The following ATE1 variants were observed in gnomAD, a reference collection of about 807,000 sequenced individuals.
ATE1 encodes the protein arginyl-tRNA--protein transferase 1.
ATE1 carries 36 observed loss-of-function variants against 70.5 expected under a neutral mutation model. That is an observed-to-expected ratio of 0.51 (90% CI 0.39 to 0.67). The LOEUF (loss-of-function observed/expected upper bound fraction) is 0.67. Among genes scored for constraint, ATE1 ranks in the 30% least tolerant of loss-of-function variants. The pLI is 0.00. For missense variants in ATE1, 593 were observed against 629.5 expected (o/e 0.94, Z 0.62); for synonymous variants, 232 against 219.3 (o/e 1.06, Z -0.51).
intron 8 of ATE1, among the ~76,000 whole-genome samples, chr10:121,851,441 T>A (rs1449807300): frequency 1.3e-5 from 2 of 152,118 alleles, no homozygotes; most frequent in Non-Finnish European, 2.9e-5. Flanking sequence ...ACATAAAAAA[T>A]AAAAGTTTCA....
intron 6 of ATE1, among the ~76,000 whole-genome samples, chr10:121,901,136 G>T (rs1226447683): frequency 6.6e-6 from 1 of 151,932 alleles, no homozygotes; most frequent in Non-Finnish European, 1.5e-5. Context: ...GCGTAGTGGT[G>T]GGCACTTGTA....
intron 8 of ATE1, among the ~76,000 whole-genome samples, chr10:121,847,819 C>A (rs551380104): frequency 2.7e-5 from 4 of 150,300 alleles, no homozygotes; most frequent in Non-Finnish European, 5.9e-5. Flanking sequence ...CACCTGTAAT[C>A]CCAGCACTTT....
rs1295210087 is a variant in ATE1 at position 121,740,669 on chromosome 10, T to C, written c.*3011A>G. On this transcript the variant is annotated 3_prime_UTR_variant, in exon 12 of 12. Transcript: ENST00000224652. ...TTAGTTAACTGTTTCATATTCCTTA[T>C]CTTTATTCATACTGAAATAATATAA... The C allele has an allele frequency of 1.3e-5, 2 of 152,238 alleles. No individual in the cohort carries two copies. Among genetic ancestry groups the C allele is most frequent in the African/African-American group, 2.4e-5 (1 of 41,466 alleles). The allele number at this position is 152,238 out of a possible 1,614,324, so 9.4% of individuals were successfully genotyped here.
rs746936617 is a variant in ATE1, at chr10:121,924,279, G to T, written c.157C>A (p.Arg53=). The change falls in exon 2 of 12, where the codon CGA becomes AGA. Residue 53 remains arginine (R), a synonymous_variant. Transcript: ENST00000224652. ...TVQDYQDLID[R]GWRRSGKYVY... ...TGGAAGCTTTACCTTCGCCATCCTC[G>T]GTCTATGAGATCCTGATAATCCTGT... The T allele has an allele frequency of 6.2e-7, 1 of 1,613,902 alleles. No individual in the cohort carries two copies. Among genetic ancestry groups the T allele is most frequent in the African/African-American group, 1.3e-5 (1 of 75,032 alleles).
At chr10:121,745,444 C>T (rs1053387195) in intron 11 of ATE1, among the ~76,000 whole-genome samples, 9 of 152,302 alleles carry the variant, frequency 5.9e-5, no homozygotes, top group East Asian at 1.9e-4. Context: ...AGGCGGGGTG[C>T]AGTGGCTCAC....
In ATE1 at chr10:121,927,957, G is replaced by A. The variant is rs766172842; in HGVS notation, c.-8C>T. The A allele has an allele frequency of 1.3e-6, 2 of 1,530,106 alleles. No homozygotes were observed. Among genetic ancestry groups the A allele is most frequent in the East Asian group, 2.7e-5 (1 of 37,080 alleles). 94.8% of individuals were successfully genotyped at this position (1,530,106 alleles called of 1,614,324 possible). A position where few individuals can be genotyped will look rare whatever the true frequency, so the allele number is the denominator to read the frequency against. On this transcript the variant is annotated 5_prime_UTR_variant, in exon 1 of 12. Transcript: ENST00000224652. ...CCCCGCCCAGAAAGCCATGGCCTCG[G>A]CCCCGCGAACGCTCAGCCGCCCGGC...
intron 11 of ATE1, among the ~76,000 whole-genome samples, chr10:121,763,870 C>A (rs1278999133): frequency 1.3e-5 from 2 of 152,018 alleles, no homozygotes; most frequent in African/African-American, 4.8e-5. Context: ...AAAAATTAGC[C>A]GAGCACTGTG....
At chr10:121,889,710 G>A (rs545831955) in intron 7 of ATE1, among the ~76,000 whole-genome samples, 56 of 152,046 alleles carry the variant, frequency 3.7e-4, no homozygotes, top group Non-Finnish European at 7.1e-4. Flanking sequence ...TCAGAAGGGA[G>A]ACTGAGGCAG....
chr10:121,820,383 TA>T (rs1947746135), intron 10 of ATE1, among the ~76,000 whole-genome samples: 1 of 152,106 alleles, frequency 6.6e-6, no homozygotes, highest in Non-Finnish European at 1.5e-5. Context: ...TCTGCATAAT[TA>T]AACAAACATA....
At chr10:121,819,900 C>A (rs1215210760) in intron 10 of ATE1, among the ~76,000 whole-genome samples, 1 of 151,964 alleles carries the variant, frequency 6.6e-6, no homozygotes, top group African/African-American at 2.4e-5. Flanking sequence ...AATCCCAGCA[C>A]TTTGGGAGGC....
intron 3 of ATE1, among the ~76,000 whole-genome samples, chr10:121,920,794 A>T (rs1951850678): frequency 6.6e-6 from 1 of 152,050 alleles, no homozygotes; most frequent in South Asian, 2.1e-4. Context: ...GGAGTTCAAG[A>T]CCAGCCTGGC....
chr10:121,896,411 G>C (rs1269332378), intron 7 of ATE1, among the ~76,000 whole-genome samples: 1 of 152,212 alleles, frequency 6.6e-6, no homozygotes, highest in Non-Finnish European at 1.5e-5. Flanking sequence ...AAGAATGGCA[G>C]CATGTTGAGG....
chr10:121,769,006 A>T (rs200767937), intron 11 of ATE1, among the ~76,000 whole-genome samples: 12,350 of 48,588 alleles, frequency 0.25, 713 homozygotes, highest in South Asian at 0.44. Context: ...CATAATTCCT[A>T]TCAAGTCTCT....
intron 8 of ATE1, among the ~76,000 whole-genome samples, chr10:121,844,352 A>G (rs1033762041): frequency 1.3e-5 from 2 of 152,262 alleles, no homozygotes; most frequent in African/African-American, 4.8e-5. Flanking sequence ...AAGATGCTCA[A>G]TATCACTTAC....
At position 121,790,174 on chromosome 10, in the gene ATE1, T is replaced by C; in HGVS notation, c.1373A>G (p.Glu458Gly). 6.2e-7 allele frequency: 1 copy of C among 1,613,978 alleles called. No individual in the cohort carries two copies. The highest frequency in any genetic ancestry group is 2.2e-5 in the East Asian group (1 of 44,874). Residue 458 changes from glutamate (E) to glycine (G), a missense_variant, in exon 11 of 12, where the codon GAA becomes GGA. Glu to Gly is a moderately conservative substitution (Grantham distance 98). Coordinates refer to ENST00000224652, the MANE Select transcript of ATE1 (RefSeq NM_001001976.3). ...SKYCRFNQDP[E>G]AVDEDRSTEP... ...GAGCTCAGCTCCAAACATACCTGCTTCTGGGTCCTGGTTGAAACGGCAGTA... is the reference window on the plus strand; with the variant it reads ...GAGCTCAGCTCCAAACATACCTGCTCCTGGGTCCTGGTTGAAACGGCAGTA...
At chr10:121,871,916 G>A (rs371699877) in intron 7 of ATE1, among the ~76,000 whole-genome samples, 1 of 152,104 alleles carries the variant, frequency 6.6e-6, no homozygotes, top group Non-Finnish European at 1.5e-5. Context: ...AATTTAAAAT[G>A]CAAGCTTTGT....
chr10:121,768,129 T>C (rs1405316245), intron 11 of ATE1, among the ~76,000 whole-genome samples: 1 of 152,240 alleles, frequency 6.6e-6, no homozygotes, highest in African/African-American at 2.4e-5. Context: ...TAATTTTTGG[T>C]ACTTAGAGAA....
At position 121,852,563 on chromosome 10, in the gene ATE1, T is replaced by C. The variant is rs188517886; in HGVS notation, c.976-11300A>G. ...CCTTCTCTACTAAAAATACAAAAATTAGCCGGACATGGTGGCAGGTGTCTG... is the reference window on the plus strand; with the variant it reads ...CCTTCTCTACTAAAAATACAAAAATCAGCCGGACATGGTGGCAGGTGTCTG... On this transcript the variant is annotated intron_variant, in intron 8 of 11. Transcript: ENST00000224652. 7.1e-3 allele frequency among the ~76,000 whole-genome samples: 1,075 copies of C among 152,074 alleles called. 25 individuals are homozygous for C. The highest frequency in any genetic ancestry group is 0.025 in the African/African-American group (1,017 of 41,474).
At chr10:121,926,972 G>A (rs1169545388) in intron 1 of ATE1, 3 of 985,258 alleles carry the variant, frequency 3.0e-6, no homozygotes, top group African/African-American at 3.5e-5. Context: ...CACCGTTATC[G>A]ACCAAATCAT....
Sources: allele counts gnomAD v4.1 joint callset (sites outside exome capture counted in the v4.1 genomes callset), GRCh38; gene constraint gnomAD v4.1.1; transcripts MANE v1.5; gene names NCBI Gene and HGNC (gene_info 2026-07-23, HGNC 2026-07-21).